The following AGAP1 variants were observed in gnomAD, a reference collection of about 807,000 sequenced individuals.
The protein encoded by AGAP1 is ArfGAP with GTPase domain, ankyrin repeat and PH domain 1.
In AGAP1, 29 loss-of-function variants were observed where a neutral mutation model predicts 105.3. The observed-to-expected ratio is 0.28, with a 90% CI of 0.21 to 0.38. AGAP1 has a LOEUF of 0.38. Among genes scored for constraint, AGAP1 ranks in the 10% least tolerant of loss-of-function variants. The pLI is 1.00. For synonymous variants in AGAP1, 509 were observed against 485.9 expected (o/e 1.05, Z -0.63); for missense variants, 998 against 1,165.1 (o/e 0.86, Z 2.09).
Position 235,908,689 on chromosome 2 carries a change from G to C in AGAP1, c.1156-49G>C. On this transcript the variant is annotated intron_variant, in intron 10 of 17. Transcript: ENST00000304032. The surrounding 1 kb of genome is among the most constrained non-coding windows in gnomAD (Gnocchi z 4.4). ...GACCCTTTTGTTCTAGGTTGTAAAA[G>C]GTCTTTTTTTTTTTTTTATCTCTCT... The C allele has an allele frequency of 7.2e-7, 1 of 1,387,690 alleles. No homozygotes were observed. Among genetic ancestry groups the C allele is most frequent in the Non-Finnish European group, 9.8e-7 (1 of 1,020,234 alleles). The allele number at this position is 1,387,690 out of a possible 1,614,324, so 86.0% of individuals were successfully genotyped here.
intron 9 of AGAP1, among the ~76,000 whole-genome samples, chr2:235,833,874 T>TA (rs369868886): frequency 2.0e-5 from 3 of 150,230 alleles, no homozygotes; most frequent in East Asian, 1.9e-4. Context: ...TTTTTTTTTT[T>TA]AAAGCTCTGG....
chr2:235,720,774 G>C lies in AGAP1; in HGVS notation c.310+3130G>C, dbSNP rs1211550372. 4.5e-6 allele frequency: 4 copies of C among 892,284 alleles called. No homozygotes were observed. In the South Asian group the frequency reaches 1.6e-4, roughly 35 times the overall value. 55.3% of individuals were successfully genotyped at this position (892,284 alleles called of 1,614,324 possible). A position where few individuals can be genotyped will look rare whatever the true frequency, so the allele number is the denominator to read the frequency against. On this transcript the variant is annotated intron_variant, in intron 3 of 17. Transcript: ENST00000304032. The surrounding 1 kb of genome is among the most constrained non-coding windows in gnomAD (Gnocchi z 5.0). ...GCTGGGATATGTAGACTGCTGGGAG[G>C]GGTGAGGGTGAGGGCCTTCCTGTCT...
chr2:235,575,736 T>G (rs1051557281), intron 1 of AGAP1, among the ~76,000 whole-genome samples: 1 of 152,198 alleles, frequency 6.6e-6, no homozygotes, highest in Non-Finnish European at 1.5e-5. Context: ...AACACTTTTT[T>G]ATTGCAAAGG....
chr2:235,900,203 G>A lies in AGAP1; in HGVS notation c.1156-8535G>A, dbSNP rs190165389. Among the ~76,000 whole-genome samples, 2 of 152,298 alleles carry A rather than the reference G, an allele frequency of 1.3e-5. No individual in the cohort carries two copies. The highest frequency in any genetic ancestry group is 3.9e-4 in the East Asian group (2 of 5,192). ...CCAGACCCAATAAAGCATTTACTAA[G>A]TCAAGAATATTCCACACATACTCTT... On this transcript the variant is annotated intron_variant, in intron 10 of 17. Transcript: ENST00000304032. The surrounding 1 kb of genome is among the most constrained non-coding windows in gnomAD (Gnocchi z 5.5).
rs117861522 is a variant in AGAP1, at chr2:235,957,382, T to G, written c.1484-11080T>G. Among the ~76,000 whole-genome samples, 1 of 152,340 alleles carries G rather than the reference T, an allele frequency of 6.6e-6. No individual in the cohort carries two copies. The highest frequency in any genetic ancestry group is 1.9e-4 in the East Asian group (1 of 5,188). ...TGTATTCCTTTCCTCCCCGTTTTTA[T>G]AACTCAGTCTAACACTGTGTTGTCT... On this transcript the variant is annotated intron_variant, in intron 12 of 17. Transcript: ENST00000304032. This position sits in a 1 kb window ranked among gnomAD's most constrained non-coding sequence, Gnocchi z 4.6.
rs61070151 is a variant in AGAP1 at position 235,810,854 on chromosome 2, T to TTTTA, written c.1050+3523_1050+3524insTTTA. ...GTTTCTTTTTTTTTTTTTTTTTTTTTACTAATAAGGTCTATTCGAGTAAAA... is the reference window on the plus strand; with the variant it reads ...GTTTCTTTTTTTTTTTTTTTTTTTTTTTTAACTAATAAGGTCTATTCGAGTAAAA... On this transcript the variant is annotated intron_variant, in intron 9 of 17. Coordinates refer to ENST00000304032, the MANE Select transcript of AGAP1 (RefSeq NM_001037131.3). Among the ~76,000 whole-genome samples the TTTTA allele has an allele frequency of 3.9e-3, 576 of 146,438 alleles. 7 individuals are homozygous for TTTTA. The highest frequency in any genetic ancestry group is 0.014 in the African/African-American group (551 of 39,598).
intron 1 of AGAP1, among the ~76,000 whole-genome samples, chr2:235,534,695 C>T (rs1040170506): frequency 6.6e-6 from 1 of 152,162 alleles, no homozygotes; most frequent in Admixed American, 6.5e-5. Flanking sequence ...CAGGGATACA[C>T]GGTGCCACCG....
chr2:236,106,447 G>A (rs1242257173), intron 16 of AGAP1, among the ~76,000 whole-genome samples: 1 of 152,228 alleles, frequency 6.6e-6, no homozygotes, highest in Admixed American at 6.5e-5. Context: ...TGCCACCCGG[G>A]CTGTCGTGTG....
Position 235,750,802 on chromosome 2 carries a change from A to G in AGAP1, c.673+314A>G, listed in dbSNP as rs1953362243. ...GTTACTCATCCATGTGCTCTGTAAA[A>G]CTTGTTTGTGAGCATTTCTTTATTG... On this transcript the variant is annotated intron_variant, in intron 6 of 17. Transcript: ENST00000304032. The surrounding 1 kb of genome is among the most constrained non-coding windows in gnomAD (Gnocchi z 5.3). Among the ~76,000 whole-genome samples the G allele has an allele frequency of 6.6e-6, 1 of 152,064 alleles. No homozygotes were observed. The highest frequency in any genetic ancestry group is 1.5e-5 in the Non-Finnish European group (1 of 68,018).
In AGAP1 at chr2:236,036,559, A is replaced by G; in HGVS notation, c.1646-2A>G. On this transcript the variant is annotated splice_acceptor_variant, in intron 13 of 17. Coordinates refer to ENST00000304032, the MANE Select transcript of AGAP1 (RefSeq NM_001037131.3). LOFTEE classifies it high-confidence loss of function. The surrounding 1 kb of genome is among the most constrained non-coding windows in gnomAD (Gnocchi z 5.7). ...CTCTTCATCCCACACTCTGTGTTTC[A>G]GAACAAGAAGAAAATTTTGAGTTTA... is the stretch of plus-strand genomic sequence containing the variant. 6.2e-7 allele frequency: 1 copy of G among 1,613,952 alleles called. No individual in the cohort carries two copies. Among genetic ancestry groups the G allele is most frequent in the South Asian group, 1.1e-5 (1 of 91,068 alleles).
intron 13 of AGAP1, among the ~76,000 whole-genome samples, chr2:235,974,698 G>A (rs1020443563): frequency 2.0e-5 from 3 of 152,216 alleles, no homozygotes; most frequent in Non-Finnish European, 1.5e-5. Flanking sequence ...ACTGAGCAAT[G>A]AAATGTTGAC....
At position 235,965,442 on chromosome 2, in the gene AGAP1, A is replaced by G. The variant is rs1210400616; in HGVS notation, c.1484-3020A>G. 1.3e-5 allele frequency among the ~76,000 whole-genome samples: 2 copies of G among 152,192 alleles called. No individual in the cohort carries two copies. ...TGCCGTTTTGAAGAAGCAATGGTGAAGGAAGCCAGACTTCAAGGAGTCAGG... is the reference window on the plus strand; with the variant it reads ...TGCCGTTTTGAAGAAGCAATGGTGAGGGAAGCCAGACTTCAAGGAGTCAGG... On this transcript the variant is annotated intron_variant, in intron 12 of 17. Transcript: ENST00000304032. The surrounding 1 kb of genome is among the most constrained non-coding windows in gnomAD (Gnocchi z 5.8).
At chr2:236,118,595 G>A (rs2125969062) in intron 16 of AGAP1, among the ~76,000 whole-genome samples, 1 of 151,920 alleles carries the variant, frequency 6.6e-6, no homozygotes, top group African/African-American at 2.4e-5. Context: ...CACCATGTTG[G>A]CCAAGCTGGT....
Position 235,566,743 on chromosome 2 carries a change from C to A in AGAP1, c.163+71894C>A. 2.3e-6 allele frequency: 1 copy of A among 432,912 alleles called. No individual in the cohort carries two copies. The highest frequency in any genetic ancestry group is 3.1e-6 in the Non-Finnish European group (1 of 325,202). The allele number at this position is 432,912 out of a possible 1,614,324, so 26.8% of individuals were successfully genotyped here. ...TTGTTGGGGTTAACATGAGTGGACC[C>A]TAGATTTCCCTGCCTGAAGGGGGCC... On this transcript the variant is annotated intron_variant, in intron 1 of 17. Transcript: ENST00000304032. The surrounding 1 kb of genome is among the most constrained non-coding windows in gnomAD (Gnocchi z 5.2).
At chr2:235,890,692 G>A (rs949018218) in intron 10 of AGAP1, among the ~76,000 whole-genome samples, 4 of 152,156 alleles carry the variant, frequency 2.6e-5, no homozygotes, top group African/African-American at 9.7e-5. Context: ...TCTAGTGGGT[G>A]TGTTTGAAGG....
chr2:235,595,506 T>C (rs1372518971), intron 1 of AGAP1, among the ~76,000 whole-genome samples: 1 of 152,230 alleles, frequency 6.6e-6, no homozygotes, highest in Non-Finnish European at 1.5e-5. Flanking sequence ...GCACTTTCAA[T>C]TATGCTGTTA....
In AGAP1 at chr2:235,874,746, C is replaced by T. The variant is rs138114295; in HGVS notation, c.1051-8599C>T. Among the ~76,000 whole-genome samples the T allele has an allele frequency of 7.9e-5, 12 of 152,278 alleles. No individual in the cohort carries two copies. The highest frequency in any genetic ancestry group is 2.4e-4 in the African/African-American group (10 of 41,552). On this transcript the variant is annotated intron_variant, in intron 9 of 17. Coordinates refer to ENST00000304032, the MANE Select transcript of AGAP1 (RefSeq NM_001037131.3). This position sits in a 1 kb window ranked among gnomAD's most constrained non-coding sequence, Gnocchi z 4.5. ...ACATGTGAATGTGAAAGAGAAGGCA[C>T]TCATGTATAGAACTCATTACAAAGA... is the stretch of plus-strand genomic sequence containing the variant.
intron 12 of AGAP1, among the ~76,000 whole-genome samples, chr2:235,944,589 C>T (rs1196127016): frequency 6.6e-6 from 1 of 152,234 alleles, no homozygotes; most frequent in African/African-American, 2.4e-5. Flanking sequence ...CTATATCAAG[C>T]TTTGCATTAA....
At chr2:235,579,187 A>G (rs1013122783) in intron 1 of AGAP1, among the ~76,000 whole-genome samples, 1 of 152,134 alleles carries the variant, frequency 6.6e-6, no homozygotes, top group Non-Finnish European at 1.5e-5. Flanking sequence ...GCCCCTGCCC[A>G]CTGAGGGCTT....
Sources: gnomAD v4.1 joint callset for allele counts (sites outside exome capture counted in the v4.1 genomes callset) on GRCh38, gnomAD v4.1.1 for gene constraint, Gnocchi (gnomAD v3.1) non-coding constraint, MANE v1.5 for transcripts, NCBI Gene and HGNC (gene_info 2026-07-23, HGNC 2026-07-21) for gene names.